ADAMTSL1: variants seen among roughly 807,000 people sequenced by gnomAD.
The protein encoded by ADAMTSL1 is ADAMTS like 1, also known as ADAMTS-like protein 1.
In ADAMTSL1, 126 loss-of-function variants were observed where a neutral mutation model predicts 201.8. The observed-to-expected ratio is 0.62, with a 90% confidence interval of 0.54 to 0.72. The LOEUF (loss-of-function observed/expected upper bound fraction) is 0.72. Ranked by LOEUF, ADAMTSL1 falls within the 30% of genes least tolerant of loss-of-function variation. The pLI is 0.00. For missense variants in ADAMTSL1, 2,679 were observed against 2,277.8 expected (o/e 1.18, Z -3.59); for synonymous variants, 1,121 against 903.4 (o/e 1.24, Z -4.32).
At chr9:18,712,032 G>C (rs1468516186) in intron 14 of ADAMTSL1, among the ~76,000 whole-genome samples, 2 of 140,288 alleles carry the variant, frequency 1.4e-5, no homozygotes, top group Admixed American at 1.4e-4. Context: ...CTGCAGCTGA[G>C]GGTCCTGTCT....
intron 1 of ADAMTSL1, among the ~76,000 whole-genome samples, chr9:18,094,070 G>C (rs1050401438): frequency 6.6e-6 from 1 of 152,146 alleles, no homozygotes; most frequent in East Asian, 1.9e-4. Context: ...TTTTCGTTGA[G>C]TAATGTACCC....
chr9:18,733,999 C>T (rs1818370380), intron 15 of ADAMTSL1, among the ~76,000 whole-genome samples: 1 of 151,990 alleles, frequency 6.6e-6, no homozygotes, highest in Admixed American at 6.6e-5. Flanking sequence ...GATTCCTATC[C>T]CTTTATTCCA....
chr9:18,355,698 A>G (rs1164385612), intron 2 of ADAMTSL1, among the ~76,000 whole-genome samples: 1 of 152,190 alleles, frequency 6.6e-6, no homozygotes, highest in Admixed American at 6.5e-5. Context: ...GCTTCTTACT[A>G]AAAAAATTAA....
chr9:18,123,355 A>G (rs1346351343), intron 1 of ADAMTSL1, among the ~76,000 whole-genome samples: 1 of 152,220 alleles, frequency 6.6e-6, no homozygotes, highest in Admixed American at 6.5e-5. Context: ...TTAGAAAGCC[A>G]TTCTGTGTGC....
Position 18,012,818 on chromosome 9 carries a change from G to A in ADAMTSL1, c.87+105896G>A, listed in dbSNP as rs115171292. ...TCTTGCTTCTCCTTAAATATTCTGT[G>A]CCTAGAAATGAGAAGAAAAAATAAA... On this transcript the variant is annotated intron_variant, in intron 1 of 29. Coordinates refer to the ADAMTSL1 transcript ENST00000680146. 3.2e-3 allele frequency among the ~76,000 whole-genome samples: 482 copies of A among 152,026 alleles called. 2 individuals carry two copies. Among genetic ancestry groups the A allele is most frequent in the African/African-American group, 0.011 (457 of 41,496 alleles).
At chr9:18,132,021 C>G (rs966334324) in intron 1 of ADAMTSL1, among the ~76,000 whole-genome samples, 2 of 152,134 alleles carry the variant, frequency 1.3e-5, no homozygotes, top group Non-Finnish European at 2.9e-5. Flanking sequence ...TAGAATCACT[C>G]TGATTTGTCA....
chr9:17,927,772 G>A (rs540443456), intron 1 of ADAMTSL1, among the ~76,000 whole-genome samples: 1 of 152,048 alleles, frequency 6.6e-6, no homozygotes, highest in South Asian at 2.1e-4. Context: ...ACAATATAAG[G>A]GACTTGAGCA....
At chr9:18,172,346 A>G (rs754813023) in intron 2 of ADAMTSL1, among the ~76,000 whole-genome samples, 2 of 152,120 alleles carry the variant, frequency 1.3e-5, no homozygotes, top group Non-Finnish European at 2.9e-5. Flanking sequence ...GAATCATTAG[A>G]AGGACACATG....
chr9:18,053,546 T>G (rs1822035500), intron 1 of ADAMTSL1, among the ~76,000 whole-genome samples: 1 of 152,206 alleles, frequency 6.6e-6, no homozygotes, highest in Non-Finnish European at 1.5e-5. Context: ...CACAACATAT[T>G]CCACCTTCTT....
At chr9:18,596,869 G>T (rs906698553) in intron 4 of ADAMTSL1, among the ~76,000 whole-genome samples, 4 of 152,152 alleles carry the variant, frequency 2.6e-5, no homozygotes, top group African/African-American at 7.2e-5. Context: ...AGGCTCTAAG[G>T]TCCAGCTCTA....
At chr9:18,222,195 A>G (rs1443224659) in intron 2 of ADAMTSL1, among the ~76,000 whole-genome samples, 2 of 151,922 alleles carry the variant, frequency 1.3e-5, no homozygotes, top group Admixed American at 1.3e-4. Flanking sequence ...TGTGTATAAC[A>G]TATAGCTAAT....
intron 1 of ADAMTSL1, among the ~76,000 whole-genome samples, chr9:17,999,570 T>A (rs1172702643): frequency 6.6e-6 from 1 of 151,912 alleles, no homozygotes; most frequent in Non-Finnish European, 1.5e-5. Flanking sequence ...ATCCTTGATT[T>A]TTTTAGTGTG....
chr9:18,375,003 G>T (rs1837221679), intron 2 of ADAMTSL1, among the ~76,000 whole-genome samples: 1 of 152,180 alleles, frequency 6.6e-6, no homozygotes, highest in South Asian at 2.1e-4. Flanking sequence ...CCTGTCACTG[G>T]CATGGGTACC....
chr9:18,008,588 A>G (rs1190312761), intron 1 of ADAMTSL1, among the ~76,000 whole-genome samples: 1 of 151,894 alleles, frequency 6.6e-6, no homozygotes, highest in East Asian at 2.0e-4. Flanking sequence ...GGCAGTGGGA[A>G]TTTGCTCATT....
chr9:18,163,816 T>G (rs1255546602), intron 1 of ADAMTSL1: 1 of 152,032 alleles, frequency 6.6e-6, no homozygotes, highest in African/African-American at 2.4e-5. Context: ...GCCCAATCCC[T>G]CCAGGCTCTG....
intron 21 of ADAMTSL1, among the ~76,000 whole-genome samples, chr9:18,820,852 C>T (rs1014441936): frequency 1.2e-4 from 18 of 151,952 alleles, no homozygotes; most frequent in African/African-American, 3.6e-4. Context: ...ACTGAGTCGG[C>T]GATAAAGGAT....
intron 2 of ADAMTSL1, among the ~76,000 whole-genome samples, chr9:18,299,029 A>G (rs1587499440): frequency 6.6e-6 from 1 of 151,346 alleles, no homozygotes; most frequent in Middle Eastern, 3.4e-3. Flanking sequence ...AAAAATAATA[A>G]TAATAATAAT....
At position 18,665,783 on chromosome 9, in the gene ADAMTSL1, G is replaced by T. The variant is rs531810674; in HGVS notation, c.1085+3710G>T. Among the ~76,000 whole-genome samples, 143 of 152,202 alleles carry T rather than the reference G, an allele frequency of 9.4e-4. 1 individual carries two copies. The highest frequency in any genetic ancestry group is 3.4e-3 in the African/African-American group (141 of 41,558). ...ATCTACTAGTTCTTGAGGCTGAAGA[G>T]ATTGTTGACATCTCGCCTATACTCT... On this transcript the variant is annotated intron_variant, in intron 9 of 28. Coordinates refer to ENST00000380548, the MANE Select transcript of ADAMTSL1 (RefSeq NM_001040272.6).
At chr9:18,882,821 C>T (rs1384781998) in intron 23 of ADAMTSL1, among the ~76,000 whole-genome samples, 1 of 151,916 alleles carries the variant, frequency 6.6e-6, no homozygotes, top group Non-Finnish European at 1.5e-5. Flanking sequence ...TAGCAAGACT[C>T]CATCTCTACT....
Sources: allele counts gnomAD v4.1 joint callset (sites outside exome capture counted in the v4.1 genomes callset), GRCh38; gene constraint gnomAD v4.1.1; transcripts MANE v1.5; gene names NCBI Gene and HGNC (gene_info 2026-07-23, HGNC 2026-07-21).